C11orf65: variants seen among roughly 807,000 people sequenced by gnomAD.
C11orf65 encodes the protein chromosome 11 open reading frame 65.
C11orf65 carries 38 observed loss-of-function variants against 35.3 expected under a neutral mutation model. The observed-to-expected ratio is 1.08, with a 90% CI of 0.83 to 1.41. The LOEUF (loss-of-function observed/expected upper bound fraction) is 1.41, where lower values mean the gene tolerates loss of function less well. Among genes scored for constraint, C11orf65 ranks in the 40% most tolerant of loss-of-function variants. The pLI, the probability that C11orf65 is intolerant of heterozygous loss-of-function variation, is 0.00. For missense variants in C11orf65, 370 were observed against 367.1 expected, an observed-to-expected ratio of 1.01 and a Z score of -0.06; for synonymous variants, 105 against 114.4, an observed-to-expected ratio of 0.92 and a Z score of 0.53.
chr11:108,348,067 G>A (rs1165608980), intron 2 of C11orf65, among the ~76,000 whole-genome samples: 2 of 152,126 alleles, frequency 1.3e-5, no homozygotes. Context: ...GGGGCCCCCA[G>A]ATAACTGAAG....
At chr11:108,327,649 A>T (rs761587154), downstream of C11orf65, 4 of 1,613,484 alleles carry the variant, frequency 2.5e-6, no homozygotes, top group Non-Finnish European at 3.4e-6. Flanking sequence ...ATACAGAACA[A>T]TCCCAGCCTA....
chr11:108,463,033 G>C (rs1284217456), intron 1 of C11orf65, among the ~76,000 whole-genome samples: 1 of 152,178 alleles, frequency 6.6e-6, no homozygotes, highest in Non-Finnish European at 1.5e-5. Flanking sequence ...GGCTGAAACA[G>C]GAGGATGGCT....
At chr11:108,320,507 G>A (rs1327160060) in intron 6 of C11orf65, among the ~76,000 whole-genome samples, 1 of 152,142 alleles carries the variant, frequency 6.6e-6, no homozygotes, top group East Asian at 1.9e-4. Flanking sequence ...TAAATCCTAT[G>A]TTTATCACAG....
chr11:108,353,835 T>TTG (rs1565579391), intron 2 of C11orf65: 1 of 1,614,074 alleles, frequency 6.2e-7, no homozygotes, highest in South Asian at 1.1e-5. Context: ...ACCAGAGATA[T>TTG]TGTGGATGGC....
chr11:108,451,559 T>C lies in C11orf65; in HGVS notation c.81+9920A>G, dbSNP rs968862803. Among the ~76,000 whole-genome samples the C allele has an allele frequency of 3.3e-5, 5 of 151,776 alleles. 1 individual carries two copies. Among genetic ancestry groups the C allele is most frequent in the African/African-American group, 1.2e-4 (5 of 41,130 alleles). On this transcript the variant is annotated intron_variant, in intron 2 of 8. Transcript: ENST00000393084. ...TGCTCATGGGTAGGAAGAATCAATA[T>C]TGTGAAAATGGCCACACTGCCCAAG...
At position 108,431,730 on chromosome 11, in the gene C11orf65, T is replaced by G; in HGVS notation, c.174+16A>C. The G allele has an allele frequency of 7.7e-7, 1 of 1,304,136 alleles. No homozygotes were observed. The highest frequency in any genetic ancestry group is 1.0e-6 in the Non-Finnish European group (1 of 960,490). 80.8% of individuals were successfully genotyped at this position (1,304,136 alleles called of 1,614,324 possible). ...GGAAAAATATAGGATGCTATATCAA[T>G]AAGTAATGTCCTTACCTCTTTGGGA... On this transcript the variant is annotated intron_variant, in intron 3 of 8. Transcript: ENST00000393084.
At chr11:108,452,299 A>G (rs1377479842) in intron 2 of C11orf65, among the ~76,000 whole-genome samples, 1 of 152,232 alleles carries the variant, frequency 6.6e-6, no homozygotes, top group Non-Finnish European at 1.5e-5. Context: ...GAACTTAAAC[A>G]AATTTACAAG....
intron 6 of C11orf65, among the ~76,000 whole-genome samples, chr11:108,311,980 C>T (rs1056736942): frequency 1.3e-5 from 2 of 152,104 alleles, no homozygotes; most frequent in African/African-American, 2.4e-5. Context: ...GATCTACTTC[C>T]TTTTCAATAG....
chr11:108,398,469 A>G (rs1472032753), intron 6 of C11orf65, among the ~76,000 whole-genome samples: 1 of 152,232 alleles, frequency 6.6e-6, no homozygotes, highest in African/African-American at 2.4e-5. Context: ...TTAGAAATTC[A>G]GTTTTGGAAC....
chr11:108,453,147 T>TAAAAAAA, intron 2 of C11orf65, among the ~76,000 whole-genome samples: 1 of 122,404 alleles, frequency 8.2e-6, no homozygotes, highest in East Asian at 2.3e-4. Flanking sequence ...AAAGTATAAT[T>TAAAAAAA]AAAAAAAAAA....
intron 3 of C11orf65, chr11:108,331,779 T>G: frequency 7.0e-7 from 1 of 1,421,180 alleles, no homozygotes; most frequent in South Asian, 1.2e-5. Flanking sequence ...CCCACTGCAG[T>G]ATCTAGACAG....
At chr11:108,344,718 T>TG (rs2088075997) in intron 2 of C11orf65, among the ~76,000 whole-genome samples, 3 of 151,980 alleles carry the variant, frequency 2.0e-5, no homozygotes, top group East Asian at 3.9e-4. Context: ...AAAATAAGGT[T>TG]GGGGGGCGGG....
chr11:108,362,561 A>G (rs1305219026), intron 2 of C11orf65, among the ~76,000 whole-genome samples: 3 of 146,878 alleles, frequency 2.0e-5, no homozygotes, highest in African/African-American at 8.0e-5. Flanking sequence ...AATGTCCAAC[A>G]ATGATAGACT....
intron 3 of C11orf65, chr11:108,334,923 A>T (rs2136648477): frequency 6.3e-7 from 1 of 1,577,916 alleles, no homozygotes; most frequent in South Asian, 1.1e-5. Context: ...TTTAAGTGCA[A>T]ATAGTGTATC....
At chr11:108,403,810 G>A (rs2092486806) in intron 6 of C11orf65, among the ~76,000 whole-genome samples, 1 of 152,114 alleles carries the variant, frequency 6.6e-6, no homozygotes. Context: ...AATATACATG[G>A]GGGTTTATTT....
At chr11:108,333,853 T>C (rs2136608361) in intron 3 of C11orf65, 2 of 1,514,326 alleles carry the variant, frequency 1.3e-6, no homozygotes, top group Non-Finnish European at 1.8e-6. Context: ...GTTCCTCAGT[T>C]TGTCACTAAA....
chr11:108,461,075 C>A (rs1387960312), intron 2 of C11orf65, among the ~76,000 whole-genome samples: 1 of 151,106 alleles, frequency 6.6e-6, no homozygotes, highest in Non-Finnish European at 1.5e-5. Flanking sequence ...TGCAAGTATA[C>A]TAAAAGCTAC....
intron 8 of C11orf65, among the ~76,000 whole-genome samples, chr11:108,384,579 G>T (rs1402777931): frequency 6.6e-6 from 1 of 152,040 alleles, no homozygotes; most frequent in African/African-American, 2.4e-5. Flanking sequence ...CACGAGTCCA[G>T]CCTGGGCAAC....
At chr11:108,436,410 T>C (rs893663357) in intron 2 of C11orf65, among the ~76,000 whole-genome samples, 17 of 152,076 alleles carry the variant, frequency 1.1e-4, no homozygotes, top group Admixed American at 7.2e-4. Flanking sequence ...ATATCATAGG[T>C]AGAGTATGGT....
Sources: allele counts gnomAD v4.1 joint callset (sites outside exome capture counted in the v4.1 genomes callset), GRCh38; gene constraint gnomAD v4.1.1; transcripts MANE v1.5; gene names NCBI Gene and HGNC (gene_info 2026-07-23, HGNC 2026-07-21).